Variants in PLBD2 observed in about 807,000 individuals in gnomAD.
PLBD2 encodes phospholipase B domain containing 2, also known as putative aminopeptidase PLBD2.
In PLBD2, 51 loss-of-function variants were observed where a neutral mutation model predicts 68.3. The ratio of observed to expected loss-of-function variants is 0.75; its 90% CI spans 0.60 to 0.94. The LOEUF (loss-of-function observed/expected upper bound fraction) is 0.94. PLBD2 is among the 40% of genes least tolerant of loss of function. PLBD2 has a pLI of 0.00. For synonymous variants in PLBD2, 314 were observed against 339.3 expected (o/e 0.93, Z 0.82); for missense variants, 729 against 792.2 (o/e 0.92, Z 0.96).
chr12:113,388,042 A>G (rs1381450902), intron 11 of PLBD2, 136 bp downstream of exon 11: 1 of 1,165,416 alleles, frequency 8.6e-7, no homozygotes, highest in African/African-American at 1.5e-5. Flanking sequence ...TTGGGGTCAC[A>G]GTAAAGGTGA....
chr12:113,391,213 G>T lies in PLBD2; in HGVS notation c.*2587G>T, dbSNP rs930187759. 11 of 152,164 alleles carry T rather than the reference G, an allele frequency of 7.2e-5. No individual in the cohort carries two copies. The highest frequency in any genetic ancestry group is 2.4e-4 in the African/African-American group (10 of 41,424). 9.4% of individuals were successfully genotyped at this position (152,164 alleles called of 1,614,324 possible). A position where few individuals can be genotyped will look rare whatever the true frequency, so the allele number is the denominator to read the frequency against. The stretch of plus-strand genomic sequence containing the variant: ...GCCTTGGAGACAAGACTCTCCCAGT[G>T]CTGTGTGCTTGGAGAGAGGAAAGCA... On this transcript the variant is annotated 3_prime_UTR_variant, in exon 12 of 12. Coordinates refer to ENST00000280800, the MANE Select transcript of PLBD2 (RefSeq NM_173542.4).
Position 113,388,664 on chromosome 12 carries a change from C to T in PLBD2, c.*38C>T, listed in dbSNP as rs112877435. 3.1e-4 allele frequency: 466 copies of T among 1,523,806 alleles called. 5 individuals are homozygous for T. The African/African-American group carries it at 5.4e-3, about 18-fold the overall frequency. 94.4% of individuals were successfully genotyped at this position (1,523,806 alleles called of 1,614,324 possible). ...GCTCTGCTGCTTTCGCCCCTGCTGA[C>T]CCTCGTCAGGGTCACCCCCGTCCCA... On this transcript the variant is annotated 3_prime_UTR_variant, in exon 12 of 12. Coordinates refer to ENST00000280800, the MANE Select transcript of PLBD2 (RefSeq NM_173542.4).
At chr12:113,380,493 A>G (rs1035536829) in intron 5 of PLBD2, among the ~76,000 whole-genome samples, 8 of 152,232 alleles carry the variant, frequency 5.3e-5, no homozygotes, top group Non-Finnish European at 1.2e-4. Flanking sequence ...AGTCGATTGA[A>G]TCCAAGGATG....
chr12:113,382,835 T>TTTTTTGTGTGTGTGTGTGTG (rs1335785271), intron 6 of PLBD2, among the ~76,000 whole-genome samples: 8 of 106,608 alleles, frequency 7.5e-5, no homozygotes, highest in Non-Finnish European at 1.3e-4. Flanking sequence ...TGGTGGTTTT[T>TTTTTTGTGTGTGTGTGTGTG]TGTGTGTGTG....
intron 1 of PLBD2, 80 bp from the exon 2 acceptor site, chr12:113,369,036 T>G (rs557830919): frequency 1.1e-6 from 1 of 935,390 alleles, no homozygotes; most frequent in Non-Finnish European, 1.6e-6. Flanking sequence ...TGTGTTGTTT[T>G]CATAGTTTAA....
chr12:113,380,326 C>T lies in PLBD2; in HGVS notation c.860-419C>T, dbSNP rs193121003. On this transcript the variant is annotated intron_variant, in intron 5 of 11. Transcript: ENST00000280800. ...TCATTTTTTGTATTTTTAGTAGAGA[C>T]GGGTTTCACCGTGTTAGCCAGGATG... Among the ~76,000 whole-genome samples the T allele has an allele frequency of 2.1e-3, 315 of 152,102 alleles. 5 individuals carry two copies. Among genetic ancestry groups the T allele is most frequent in the African/African-American group, 6.0e-3 (248 of 41,508 alleles).
At position 113,389,186 on chromosome 12, in the gene PLBD2, C is replaced by G. The variant is rs1957584653; in HGVS notation, c.*560C>G. 1 of 152,698 alleles carries G rather than the reference C, an allele frequency of 6.5e-6. No homozygotes were observed. The highest frequency in any genetic ancestry group is 6.5e-5 in the Admixed American group (1 of 15,282). The allele number at this position is 152,698 out of a possible 1,614,324, so 9.5% of individuals were successfully genotyped here. A position where few individuals can be genotyped will look rare whatever the true frequency, so the allele number is the denominator to read the frequency against. On this transcript the variant is annotated 3_prime_UTR_variant, in exon 12 of 12. Coordinates refer to ENST00000280800, the MANE Select transcript of PLBD2 (RefSeq NM_173542.4). The stretch of plus-strand genomic sequence containing the variant: ...TTCCTTGAGGACAGAAACTTGAAAA[C>G]AAACACAAACCAAAGTTTCTGGCCA...
chr12:113,388,512 C>T lies in PLBD2; in HGVS notation c.1656C>T (p.Pro552=). The change falls in exon 12 of 12, where the codon CCC becomes CCT. Residue 552 remains proline (P), a synonymous_variant. Coordinates refer to ENST00000280800, the MANE Select transcript of PLBD2 (RefSeq NM_173542.4). ...TGAGCCTGCTGGCGGCCAGCGGTCC[C>T]ACGTGGGACCAGGTGCCCCCGTTCC... The part of the protein sequence containing the change: ...RILSLLAASG[P]TWDQVPPFQW... 6.2e-7 allele frequency: 1 copy of T among 1,608,974 alleles called. No individual in the cohort carries two copies. Among genetic ancestry groups the T allele is most frequent in the Non-Finnish European group, 8.5e-7 (1 of 1,178,854 alleles).
At chr12:113,376,406 C>T (rs922692995) in intron 5 of PLBD2, among the ~76,000 whole-genome samples, 1 of 149,726 alleles carries the variant, frequency 6.7e-6, no homozygotes, top group Admixed American at 6.7e-5. Context: ...TCAGGTGATA[C>T]AGCCGCCTCG....
intron 5 of PLBD2, 35 bp from the exon 6 acceptor site, chr12:113,380,710 C>T (rs879677681): frequency 9.8e-6 from 15 of 1,530,204 alleles, no homozygotes; most frequent in South Asian, 3.6e-5. Flanking sequence ...CTGTGCCTGT[C>T]TGACCAGCAT....
Position 113,374,857 on chromosome 12 carries a change from C to A in PLBD2, c.709C>A (p.Pro237Thr), listed in dbSNP as rs868596404. The A allele has an allele frequency of 2.1e-5, 34 of 1,613,872 alleles. No homozygotes were observed. The Admixed American group carries it at 5.5e-4, about 26-fold the overall frequency. ...GGCCCTGAACAAGACCAAGATCAAACCTTCTCTGGGCTCTGGCTCCTGTTC... is the reference window on the plus strand; with the variant it reads ...GGCCCTGAACAAGACCAAGATCAAAACTTCTCTGGGCTCTGGCTCCTGTTC... ...ELALNKTKIK[P>T]SLGSGSCSAL... The change falls in exon 5 of 12, where the codon CCT becomes ACT. Residue 237 changes from proline to threonine, a missense_variant. Transcript: ENST00000280800.
chr12:113,370,737 CAG>C (rs1205707532), intron 2 of PLBD2, among the ~76,000 whole-genome samples: 4 of 152,164 alleles, frequency 2.6e-5, no homozygotes, highest in Non-Finnish European at 5.9e-5. Flanking sequence ...CTCGGCTTCC[CAG>C]AGTGTTGGGA....
chr12:113,365,166 G>A (rs1242646900), intron 1 of PLBD2, among the ~76,000 whole-genome samples: 1 of 152,102 alleles, frequency 6.6e-6, no homozygotes, highest in Non-Finnish European at 1.5e-5. Context: ...AGTTAGAGGC[G>A]CAGAGCATTC....
Position 113,388,641 on chromosome 12 carries a change from T to C in PLBD2, c.*15T>C. On this transcript the variant is annotated 3_prime_UTR_variant, in exon 12 of 12. Transcript: ENST00000280800. ...CATGGGACTGAAGTTCTGTCCCTGC[T>C]CTGCTGCTTTCGCCCCTGCTGACCC... The C allele has an allele frequency of 6.4e-7, 1 of 1,550,974 alleles. No homozygotes were observed.
chr12:113,383,584 G>A (rs572301861), intron 6 of PLBD2, among the ~76,000 whole-genome samples: 45 of 152,040 alleles, frequency 3.0e-4, no homozygotes, highest in Non-Finnish European at 5.7e-4. Flanking sequence ...ACAGGTGTAT[G>A]CCACCACACC....
rs191812207 is a variant in PLBD2 at position 113,387,947 on chromosome 12, A to G, written c.1602+41A>G. 436 of 1,602,924 alleles carry G rather than the reference A, an allele frequency of 2.7e-4. 2 individuals carry two copies. Among genetic ancestry groups the G allele is most frequent in the Admixed American group, 1.2e-3 (70 of 59,794 alleles). On this transcript the variant is annotated intron_variant, in intron 11 of 11. Coordinates refer to ENST00000280800, the MANE Select transcript of PLBD2 (RefSeq NM_173542.4). ...TAGGGCCTGAGCTGTGGGTGGGGGA[A>G]GTCACCATCACCAGCTTTGGGGAAG...
At position 113,384,332 on chromosome 12, in the gene PLBD2, TCA is replaced by T; in HGVS notation, c.1118+71_1118+72del. ...GATAGACCAACCTCCCCTTTAACAC[TCA>T]CACTCCTGGGGACCAGATGTGGCAT... is the stretch of plus-strand genomic sequence containing the variant. On this transcript the variant is annotated intron_variant, in intron 7 of 11. Transcript: ENST00000280800. This position sits in a 1 kb window ranked among gnomAD's most constrained non-coding sequence, Gnocchi z 4.2. 1 of 1,535,040 alleles carries T rather than the reference TCA, an allele frequency of 6.5e-7. No homozygotes were observed. The highest frequency in any genetic ancestry group is 2.3e-5 in the East Asian group (1 of 43,954).
intron 1 of PLBD2, among the ~76,000 whole-genome samples, chr12:113,364,429 C>T (rs1957324019): frequency 6.6e-6 from 1 of 151,782 alleles, no homozygotes; most frequent in South Asian, 2.1e-4. Context: ...CTCCCATCAT[C>T]ACACTCGCCG....
At chr12:113,369,027 G>A (rs763763316) in intron 1 of PLBD2, 89 bp from the exon 2 acceptor site, 10 of 830,882 alleles carry the variant, frequency 1.2e-5, no homozygotes, top group Admixed American at 2.5e-5. Context: ...ACTGACCACT[G>A]TGTTGTTTTC....
Sources: allele counts gnomAD v4.1 joint callset (sites outside exome capture counted in the v4.1 genomes callset), GRCh38; gene constraint gnomAD v4.1.1; non-coding constraint Gnocchi (gnomAD v3.1); transcripts MANE v1.5; gene names NCBI Gene and HGNC (gene_info 2026-07-23, HGNC 2026-07-21).